Variants in ADAMTSL1 observed in about 807,000 individuals in gnomAD.
The protein encoded by ADAMTSL1 is ADAMTS like 1, also known as ADAMTS-like protein 1.
ADAMTSL1 carries 126 observed loss-of-function variants against 201.8 expected under a neutral mutation model. That is an observed-to-expected ratio of 0.62 (90% confidence interval 0.54 to 0.72). The LOEUF (loss-of-function observed/expected upper bound fraction) is 0.72, where lower values mean the gene tolerates loss of function less well. Among genes scored for constraint, ADAMTSL1 ranks in the 30% least tolerant of loss-of-function variants. ADAMTSL1 has a pLI of 0.00. For missense variants in ADAMTSL1, 2,679 were observed against 2,277.8 expected (o/e 1.18, Z -3.59); for synonymous variants, 1,121 against 903.4 (o/e 1.24, Z -4.32).
At chr9:17,963,013 T>C (rs1189140185) in intron 1 of ADAMTSL1, among the ~76,000 whole-genome samples, 1 of 152,240 alleles carries the variant, frequency 6.6e-6, no homozygotes, top group African/African-American at 2.4e-5. Context: ...TTCGGGGCAC[T>C]AAAACTTGCA....
chr9:18,892,055 GT>G (rs986720757), intron 25 of ADAMTSL1, among the ~76,000 whole-genome samples: 6 of 152,284 alleles, frequency 3.9e-5, no homozygotes, highest in African/African-American at 1.2e-4. Flanking sequence ...AGCCTTCATG[GT>G]CACATTGTCT....
rs542175916 is a variant in ADAMTSL1 at position 18,173,076 on chromosome 9, A to T, written c.207+9095A>T. ...ACTGATTTTTTAAAAATGATAATAT[A>T]AAATGTTTCTATTTGTTTAAATGGC... is the stretch of plus-strand genomic sequence containing the variant. On this transcript the variant is annotated intron_variant, in intron 2 of 29. Transcript: ENST00000680146. Among the ~76,000 whole-genome samples, 100 of 152,264 alleles carry T rather than the reference A, an allele frequency of 6.6e-4. 1 individual carries two copies. Among genetic ancestry groups the T allele is most frequent in the African/African-American group, 2.4e-3 (99 of 41,568 alleles).
intron 14 of ADAMTSL1, among the ~76,000 whole-genome samples, chr9:18,711,196 A>C (rs1037062649): frequency 6.6e-6 from 1 of 152,260 alleles, no homozygotes; most frequent in African/African-American, 2.4e-5. Context: ...ATTGTTCCTT[A>C]TGTAAACAGA....
chr9:18,446,539 G>T (rs775125645), intron 2 of ADAMTSL1, among the ~76,000 whole-genome samples: 23 of 152,232 alleles, frequency 1.5e-4, no homozygotes, highest in Non-Finnish European at 2.9e-4. Flanking sequence ...CAATTGGGCT[G>T]ACATGTTTAT....
At chr9:17,946,820 TGCTAAAA>T (rs1827506709) in intron 1 of ADAMTSL1, among the ~76,000 whole-genome samples, 1 of 152,188 alleles carries the variant, frequency 6.6e-6, no homozygotes, top group African/African-American at 2.4e-5. Flanking sequence ...AATTGCAATT[TGCTAAAA>T]GCTTTGAAAA....
At chr9:18,693,970 G>A (rs981057086) in intron 13 of ADAMTSL1, among the ~76,000 whole-genome samples, 1 of 152,168 alleles carries the variant, frequency 6.6e-6, no homozygotes, top group Non-Finnish European at 1.5e-5. Flanking sequence ...AGTTCCACAG[G>A]CTGTGCAGGA....
intron 1 of ADAMTSL1, among the ~76,000 whole-genome samples, chr9:18,090,989 A>T (rs942247104): frequency 6.6e-6 from 1 of 151,898 alleles, no homozygotes; most frequent in Non-Finnish European, 1.5e-5. Flanking sequence ...GGTTCTCCTC[A>T]ATGGTACCTT....
chr9:18,118,056 A>G (rs1825329493), intron 1 of ADAMTSL1, among the ~76,000 whole-genome samples: 2 of 152,158 alleles, frequency 1.3e-5, no homozygotes, highest in Admixed American at 6.5e-5. Flanking sequence ...TTGTTATCTG[A>G]AGCACAAAAA....
chr9:18,425,177 C>T (rs1390003960), intron 2 of ADAMTSL1, among the ~76,000 whole-genome samples: 6 of 152,008 alleles, frequency 3.9e-5, no homozygotes, highest in South Asian at 4.2e-4. Context: ...TCCCTCTCTT[C>T]GTTTCCTCCC....
At position 18,381,548 on chromosome 9, in the gene ADAMTSL1, C is replaced by T. The variant is rs1486133230; in HGVS notation, c.208-123281C>T. Among the ~76,000 whole-genome samples the T allele has an allele frequency of 2.6e-5, 4 of 152,062 alleles. 1 individual carries two copies. Among genetic ancestry groups the T allele is most frequent in the Non-Finnish European group, 5.9e-5 (4 of 68,016 alleles). On this transcript the variant is annotated intron_variant, in intron 2 of 29. Transcript: ENST00000680146. ...CCTTCACTACATGCTGTGACATAAT[C>T]CCACATTGCTGGTTGAGATTGGGTT...
At chr9:18,442,362 C>G (rs1334560644) in intron 2 of ADAMTSL1, among the ~76,000 whole-genome samples, 2 of 152,160 alleles carry the variant, frequency 1.3e-5, no homozygotes, top group African/African-American at 4.8e-5. Context: ...CTTTCATTCT[C>G]TAACATTTTG....
intron 2 of ADAMTSL1, among the ~76,000 whole-genome samples, chr9:18,348,584 A>G (rs1835826727): frequency 6.6e-6 from 1 of 152,210 alleles, no homozygotes; most frequent in Admixed American, 6.5e-5. Context: ...ACTCATAGAC[A>G]TGTTAAATTG....
chr9:18,399,491 G>C (rs945244499), intron 2 of ADAMTSL1, among the ~76,000 whole-genome samples: 1 of 141,404 alleles, frequency 7.1e-6, no homozygotes, highest in East Asian at 2.0e-4. Flanking sequence ...ACAGACGCGT[G>C]TCACCATTTC....
chr9:18,785,359 CTTTTGT>C (rs1373254458), intron 19 of ADAMTSL1, among the ~76,000 whole-genome samples: 2 of 152,174 alleles, frequency 1.3e-5, no homozygotes, highest in Non-Finnish European at 2.9e-5. Flanking sequence ...GCTGATGAGG[CTTTTGT>C]TTTTATTTTG....
intron 2 of ADAMTSL1, among the ~76,000 whole-genome samples, chr9:18,174,122 A>C (rs145600894): frequency 6.6e-6 from 1 of 152,152 alleles, no homozygotes; most frequent in Non-Finnish European, 1.5e-5. Flanking sequence ...TCAGAAAACC[A>C]CTTGAGGCAC....
intron 2 of ADAMTSL1, among the ~76,000 whole-genome samples, chr9:18,310,190 G>C (rs1834069297): frequency 6.6e-6 from 1 of 151,810 alleles, no homozygotes; most frequent in East Asian, 1.9e-4. Context: ...ATTAACTCAA[G>C]ATGGTATAAA....
At chr9:17,941,718 G>C (rs907629716) in intron 1 of ADAMTSL1, among the ~76,000 whole-genome samples, 1 of 152,090 alleles carries the variant, frequency 6.6e-6, no homozygotes, top group East Asian at 1.9e-4. Flanking sequence ...ATAGACTGCT[G>C]TCTTAGTCTG....
At chr9:18,636,770 A>T (rs10963692) in intron 6 of ADAMTSL1, among the ~76,000 whole-genome samples, 14,682 of 152,166 alleles carry the variant, frequency 0.096, 819 homozygotes, top group South Asian at 0.15. Context: ...AGAGGATGGG[A>T]GGGGATATGG....
chr9:17,964,476 G>A (rs531393314), intron 1 of ADAMTSL1, among the ~76,000 whole-genome samples: 2 of 152,244 alleles, frequency 1.3e-5, no homozygotes, highest in East Asian at 1.9e-4. Context: ...AGGGGGCAAC[G>A]CAAGGAATCC....
Sources: gnomAD v4.1 joint callset for allele counts (sites outside exome capture counted in the v4.1 genomes callset) on GRCh38, gnomAD v4.1.1 for gene constraint, MANE v1.5 for transcripts, NCBI Gene and HGNC (gene_info 2026-07-23, HGNC 2026-07-21) for gene names.